RBFOX1: variants seen among roughly 807,000 people sequenced by gnomAD.
The protein encoded by RBFOX1 is RNA binding protein fox-1 homolog 1.
RBFOX1 carries 8 observed loss-of-function variants against 57.7 expected under a neutral mutation model. The observed-to-expected ratio is 0.14, with a 90% CI of 0.08 to 0.25. RBFOX1 has a LOEUF of 0.25. Among genes scored for constraint, RBFOX1 ranks in the 10% least tolerant of loss-of-function variants. The pLI is 1.00. For missense variants in RBFOX1, 611 were observed against 548.5 expected, an observed-to-expected ratio of 1.11 and a Z score of -1.14; for synonymous variants, 326 against 222.4, an observed-to-expected ratio of 1.47 and a Z score of -4.15.
intron 4 of RBFOX1, among the ~76,000 whole-genome samples, chr16:7,129,030 A>G (rs2069441612): frequency 6.6e-6 from 1 of 151,960 alleles, no homozygotes; most frequent in Non-Finnish European, 1.5e-5. Flanking sequence ...CATGTTGGCC[A>G]GGATGGTCTT....
At chr16:6,914,915 G>C in intron 3 of RBFOX1, among the ~76,000 whole-genome samples, 1 of 152,228 alleles carries the variant, frequency 6.6e-6, no homozygotes, top group African/African-American at 2.4e-5. Flanking sequence ...ATAGGTTTGA[G>C]ACAGCCCTCA....
At chr16:5,295,148 A>G (rs952966996) in intron 1 of RBFOX1, among the ~76,000 whole-genome samples, 29 of 151,930 alleles carry the variant, frequency 1.9e-4, no homozygotes, top group African/African-American at 6.3e-4. Context: ...CTGGGGTCAC[A>G]TGCTTGACAT....
chr16:5,431,967 G>T (rs1015346543), intron 1 of RBFOX1, among the ~76,000 whole-genome samples: 22 of 152,098 alleles, frequency 1.4e-4, no homozygotes, highest in Admixed American at 3.3e-4. Flanking sequence ...GGTGTTGAGG[G>T]GGGTGTCTGC....
At chr16:6,565,701 C>G (rs538522067) in intron 2 of RBFOX1, among the ~76,000 whole-genome samples, 3 of 152,146 alleles carry the variant, frequency 2.0e-5, no homozygotes, top group Non-Finnish European at 4.4e-5. Context: ...ATCTCCTGAC[C>G]TCGTGATCCG....
chr16:5,787,909 C>G lies in RBFOX1; in HGVS notation c.319-79394C>G, dbSNP rs550931809. 5.9e-5 allele frequency among the ~76,000 whole-genome samples: 9 copies of G among 152,312 alleles called. No individual in the cohort carries two copies. The South Asian group carries it at 8.3e-4, about 14-fold the overall frequency. On this transcript the variant is annotated intron_variant, in intron 3 of 19. Coordinates refer to the RBFOX1 transcript ENST00000641259. ...GGAACTTAGATGTTATGTGGCAGGT[C>G]ATTCACTGAAGATTTGGGCAGAGAC...
At position 5,902,300 on chromosome 16, in the gene RBFOX1, A is replaced by G. The variant is rs2058322789; in HGVS notation, c.351+34965A>G. Among the ~76,000 whole-genome samples, 3 of 152,236 alleles carry G rather than the reference A, an allele frequency of 2.0e-5. 1 individual carries two copies. In the South Asian group the frequency reaches 6.2e-4, roughly 32 times the overall value. On this transcript the variant is annotated intron_variant, in intron 4 of 19. Transcript: ENST00000641259. The stretch of plus-strand genomic sequence containing the variant: ...GCCTAAGAGCCACAGTTGACAAATA[A>G]TAGAGCTAGAATTTGAACCCAAATT...
At chr16:7,369,905 A>G (rs906057401) in intron 4 of RBFOX1, among the ~76,000 whole-genome samples, 1 of 152,236 alleles carries the variant, frequency 6.6e-6, no homozygotes, top group African/African-American at 2.4e-5. Context: ...CACTTTACAG[A>G]GGAAGAAATT....
chr16:7,152,206 T>A (rs1239981735), intron 4 of RBFOX1, among the ~76,000 whole-genome samples: 2 of 152,156 alleles, frequency 1.3e-5, no homozygotes, highest in East Asian at 3.9e-4. Context: ...AATTTTGATT[T>A]CCAGTCTATA....
intron 3 of RBFOX1, among the ~76,000 whole-genome samples, chr16:7,027,851 A>AAGGAGAGGG (rs755576530): frequency 1.3e-5 from 2 of 151,682 alleles, no homozygotes; most frequent in East Asian, 3.9e-4. Flanking sequence ...GGGAGAGAGA[A>AAGGAGAGGG]AGGAGAGGGA....
chr16:7,080,032 GTATATAGA>G (rs1252140818), intron 4 of RBFOX1, among the ~76,000 whole-genome samples: 1,471 of 83,146 alleles, frequency 0.018, 29 homozygotes, highest in African/African-American at 0.042. Flanking sequence ...ACGTATATAT[GTATATAGA>G]TGTATATATA....
intron 3 of RBFOX1, among the ~76,000 whole-genome samples, chr16:6,799,420 A>T (rs2154255338): frequency 6.6e-6 from 1 of 152,288 alleles, no homozygotes; most frequent in South Asian, 2.1e-4. Context: ...GGCGTGAGTT[A>T]TTCGCAAACT....
chr16:5,594,894 G>A (rs1445069408), intron 2 of RBFOX1, among the ~76,000 whole-genome samples: 1 of 151,212 alleles, frequency 6.6e-6, no homozygotes, highest in Non-Finnish European at 1.5e-5. Flanking sequence ...CACTTTGGGA[G>A]GTTGAAGCAG....
At chr16:7,003,990 T>G (rs1466263571) in intron 3 of RBFOX1, 1 of 110,382 alleles carries the variant, frequency 9.1e-6, no homozygotes, top group East Asian at 3.3e-4. Context: ...AATGAGGGGT[T>G]TTTTTTTTTT....
chr16:6,495,645 G>A lies in RBFOX1; in HGVS notation c.-63-158958G>A, dbSNP rs535851116. ...GCCTTAAAGCTTGCTTTATTTGGCC[G>A]TTTCAGACAGATGGATGCCTCTTAT... On this transcript the variant is annotated intron_variant, in intron 2 of 15. Transcript: ENST00000550418. Among the ~76,000 whole-genome samples, 212 of 152,310 alleles carry A rather than the reference G, an allele frequency of 1.4e-3. 5 individuals carry two copies. In the South Asian group the frequency reaches 0.026, roughly 18 times the overall value.
At chr16:6,475,118 A>C (rs1365965041) in intron 2 of RBFOX1, among the ~76,000 whole-genome samples, 2 of 152,228 alleles carry the variant, frequency 1.3e-5, no homozygotes, top group African/African-American at 4.8e-5. Context: ...GACTTCCAAC[A>C]AAATAGTACT....
At chr16:6,810,018 C>G (rs1346507642) in intron 3 of RBFOX1, among the ~76,000 whole-genome samples, 2 of 145,640 alleles carry the variant, frequency 1.4e-5, no homozygotes, top group East Asian at 2.2e-4. Context: ...AAATTCTCTT[C>G]TCTCTCACCT....
At position 6,132,888 on chromosome 16, in the gene RBFOX1, C is replaced by G. The variant is rs533619620; in HGVS notation, c.-127+112896C>G. ...TGTAGTCCCAGCTACTCACTTGAAC[C>G]CAGGAGGCAGAGGTCGCAGTGAGCC... On this transcript the variant is annotated intron_variant, in intron 1 of 15. Transcript: ENST00000550418. Among the ~76,000 whole-genome samples the G allele has an allele frequency of 1.0e-3, 158 of 151,168 alleles. 3 individuals carry two copies. In the South Asian group the frequency reaches 0.032, roughly 30 times the overall value.
intron 2 of RBFOX1, among the ~76,000 whole-genome samples, chr16:6,327,809 A>G (rs2152801840): frequency 6.6e-6 from 1 of 152,316 alleles, no homozygotes; most frequent in East Asian, 1.9e-4. Context: ...GATGAATGCC[A>G]TGTTATTTCT....
intron 1 of RBFOX1, among the ~76,000 whole-genome samples, chr16:6,031,108 G>T (rs1195434717): frequency 6.6e-6 from 1 of 152,178 alleles, no homozygotes; most frequent in Non-Finnish European, 1.5e-5. Flanking sequence ...ACCCTGTTCG[G>T]TAGGAACATC....
Sources: gnomAD v4.1 joint callset for allele counts (sites outside exome capture counted in the v4.1 genomes callset) on GRCh38, gnomAD v4.1.1 for gene constraint, MANE v1.5 for transcripts, NCBI Gene and HGNC (gene_info 2026-07-23, HGNC 2026-07-21) for gene names.